DNAH9: variants seen among roughly 807,000 people sequenced by gnomAD.
DNAH9 encodes the protein dynein axonemal heavy chain 9.
In DNAH9, 345 loss-of-function variants were observed where a neutral mutation model predicts 471.6. The ratio of observed to expected loss-of-function variants is 0.73; its 90% confidence interval spans 0.67 to 0.80. DNAH9 has a LOEUF of 0.80. Ranked by LOEUF, DNAH9 falls within the 30% of genes least tolerant of loss-of-function variation. The pLI is 0.00. For missense variants in DNAH9, 5,407 were observed against 5,609.2 expected (o/e 0.96, Z 1.15); for synonymous variants, 2,093 against 2,123.6 (o/e 0.99, Z 0.40).
intron 68 of DNAH9, 31 bp from the exon 69 acceptor site, chr17:11,969,269 T>G (rs1438196870): frequency 6.2e-7 from 1 of 1,602,450 alleles, no homozygotes; most frequent in South Asian, 1.1e-5. Flanking sequence ...GGGTCTGATC[T>G]AAGGTGCCTC....
chr17:11,821,908 A>AT lies in DNAH9; in HGVS notation c.8708-6dup, dbSNP rs2150940511. 6.2e-7 allele frequency: 1 copy of AT among 1,604,732 alleles called. No individual in the cohort carries two copies. Among genetic ancestry groups the AT allele is most frequent in the South Asian group, 1.1e-5 (1 of 89,408 alleles). Reference sequence around the variant, plus strand: ...TGCCAAGGCTGCCTATCTGTGCTCCATTTTTTCCCAGGGGAGATCCCAGAT... The same window carrying AT: ...TGCCAAGGCTGCCTATCTGTGCTCCATTTTTTTCCCAGGGGAGATCCCAGAT... On this transcript the variant is annotated splice_polypyrimidine_tract_variant and intron_variant, in intron 45 of 68. Coordinates refer to ENST00000262442, the MANE Select transcript of DNAH9 (RefSeq NM_001372.4).
chr17:11,835,541 C>T (rs761691354), intron 49 of DNAH9, among the ~76,000 whole-genome samples: 15 of 152,066 alleles, frequency 9.9e-5, no homozygotes, highest in Non-Finnish European at 2.1e-4. Context: ...TCTCATTTTT[C>T]ACAATTAACT....
chr17:11,642,281 G>T (rs2073289434), intron 10 of DNAH9, among the ~76,000 whole-genome samples: 1 of 152,190 alleles, frequency 6.6e-6, no homozygotes, highest in African/African-American at 2.4e-5. Flanking sequence ...GCTCACACCT[G>T]TAATCCCAGC....
At chr17:11,898,368 GC>G (rs1162236352) in intron 59 of DNAH9, among the ~76,000 whole-genome samples, 13 of 152,242 alleles carry the variant, frequency 8.5e-5, no homozygotes, top group Non-Finnish European at 1.3e-4. Context: ...TGATCTGCCT[GC>G]CTCGGCCTCC....
intron 35 of DNAH9, among the ~76,000 whole-genome samples, chr17:11,762,770 G>GTTGTTGTTTTTTTTT (rs1967746481): frequency 3.3e-5 from 3 of 90,742 alleles, no homozygotes; most frequent in African/African-American, 4.1e-5. Context: ...TTTTTTTTTT[G>GTTGTTGTTTTTTTTT]TTTTTTTTTT....
intron 22 of DNAH9, among the ~76,000 whole-genome samples, chr17:11,699,054 T>A (rs137882279): frequency 2.0e-5 from 3 of 151,900 alleles, no homozygotes; most frequent in African/African-American, 7.3e-5. Context: ...TTCAAGACCA[T>A]CCTGACTAAC....
rs143488489 is a variant in DNAH9, at chr17:11,614,717, C to T, written c.905-2694C>T. Among the ~76,000 whole-genome samples the T allele has an allele frequency of 2.2e-3, 328 of 152,316 alleles. 1 individual carries two copies. Among genetic ancestry groups the T allele is most frequent in the African/African-American group, 7.4e-3 (308 of 41,570 alleles). ...GGCCTGGCCTCTGCTTCCAAGATGGCGCCTTGTTGCTGCATCCTCCAGAGG... is the reference window on the plus strand; with the variant it reads ...GGCCTGGCCTCTGCTTCCAAGATGGTGCCTTGTTGCTGCATCCTCCAGAGG... On this transcript the variant is annotated intron_variant, in intron 4 of 68. Transcript: ENST00000262442.
In DNAH9 at chr17:11,875,108, C is replaced by T. The variant is rs755566797; in HGVS notation, c.10402C>T (p.Pro3468Ser). Residue 3468 changes from proline (P) to serine (S), a missense_variant, in exon 53 of 69, where the codon CCT (proline) becomes TCT (serine). Pro to Ser is a moderately conservative substitution (Grantham distance 74). Coordinates refer to ENST00000262442, the MANE Select transcript of DNAH9 (RefSeq NM_001372.4). ...NCERWPLMVD[P>S]QLQGIKWIKN... is the part of the protein sequence containing the mutation. ...TGAGCGCTGGCCACTCATGGTTGAC[C>T]CTCAGCTACAAGGCATCAAATGGAT... 2.5e-6 allele frequency: 4 copies of T among 1,614,098 alleles called. No homozygotes were observed. Among genetic ancestry groups the T allele is most frequent in the Admixed American group, 3.3e-5 (2 of 60,018 alleles).
In DNAH9 at chr17:11,784,435, G is replaced by T. The variant is rs776546816; in HGVS notation, c.7957G>T (p.Asp2653Tyr). The T allele has an allele frequency of 6.2e-7, 1 of 1,614,104 alleles. No individual in the cohort carries two copies. Among genetic ancestry groups the T allele is most frequent in the East Asian group, 2.2e-5 (1 of 44,868 alleles). Residue 2653 changes from aspartate (D) to tyrosine (Y), a missense_variant, in exon 41 of 69, where the codon GAT becomes TAT. Asp to Tyr is a radical substitution (Grantham distance 160). Transcript: ENST00000262442. ...GCAGAAATCCATCCCCCCACTGATC[G>T]ATCTGGCCCTCGCCTTCCACCAGAA... is the stretch of plus-strand genomic sequence containing the variant. ...SLQKSIPPLI[D>Y]LALAFHQKIA...
At chr17:11,731,050 GTGATGGTGA>G (rs1179953070) in intron 28 of DNAH9, among the ~76,000 whole-genome samples, 4 of 116,390 alleles carry the variant, frequency 3.4e-5, no homozygotes, top group African/African-American at 1.2e-4. Flanking sequence ...AGTGATGATG[GTGATGGTGA>G]TGATGATGGT....
intron 17 of DNAH9, among the ~76,000 whole-genome samples, chr17:11,673,973 A>G (rs572661855): frequency 3.3e-5 from 5 of 152,310 alleles, no homozygotes; most frequent in South Asian, 2.1e-4. Context: ...ATTGTATGCC[A>G]TATATTTTTC....
chr17:11,819,168 C>G (rs1043518720), intron 45 of DNAH9, among the ~76,000 whole-genome samples: 50 of 151,980 alleles, frequency 3.3e-4, no homozygotes, highest in Non-Finnish European at 1.3e-4. Flanking sequence ...AGACAAAATT[C>G]TCAAAAGAAT....
At chr17:11,944,716 C>G (rs1057016430) in intron 67 of DNAH9, among the ~76,000 whole-genome samples, 16 of 152,170 alleles carry the variant, frequency 1.1e-4, no homozygotes, top group Admixed American at 2.0e-4. Flanking sequence ...GGTCCTCAGA[C>G]TCTCCAGAAG....
At chr17:11,941,725 TA>T (rs1974918318) in intron 66 of DNAH9, among the ~76,000 whole-genome samples, 1 of 141,950 alleles carries the variant, frequency 7.0e-6, no homozygotes, top group Admixed American at 7.2e-5. Flanking sequence ...GATAGATAGA[TA>T]GATAGATAGA....
intron 33 of DNAH9, among the ~76,000 whole-genome samples, chr17:11,754,912 G>A (rs1967310017): frequency 6.6e-6 from 1 of 152,088 alleles, no homozygotes; most frequent in South Asian, 2.1e-4. Context: ...CATTCTTATG[G>A]CCAAGATGGT....
At chr17:11,789,460 A>G (rs1968989185) in intron 41 of DNAH9, among the ~76,000 whole-genome samples, 1 of 152,080 alleles carries the variant, frequency 6.6e-6, no homozygotes, top group Non-Finnish European at 1.5e-5. Flanking sequence ...ATTTATTGGC[A>G]TAAAATTGTA....
intron 67 of DNAH9, 30 bp downstream of exon 67, chr17:11,942,515 G>T: frequency 6.3e-7 from 1 of 1,598,696 alleles, no homozygotes; most frequent in Non-Finnish European, 8.5e-7. Context: ...GCATGGAGGG[G>T]ACATTGCTAG....
chr17:11,924,430 C>T (rs1974245731), intron 62 of DNAH9, among the ~76,000 whole-genome samples: 1 of 151,978 alleles, frequency 6.6e-6, no homozygotes, highest in Admixed American at 6.6e-5. Context: ...ATCTGGAACC[C>T]CTACTACTGA....
intron 1 of DNAH9, among the ~76,000 whole-genome samples, chr17:11,607,359 T>C (rs2072529990): frequency 1.3e-5 from 2 of 152,088 alleles, no homozygotes; most frequent in Non-Finnish European, 1.5e-5. Flanking sequence ...CACATGGGGA[T>C]TGCTCTTGGG....
Sources: allele counts gnomAD v4.1 joint callset (sites outside exome capture counted in the v4.1 genomes callset), GRCh38; gene constraint gnomAD v4.1.1; transcripts MANE v1.5; gene names NCBI Gene and HGNC (gene_info 2026-07-23, HGNC 2026-07-21).